The following C4orf51 variants were observed in gnomAD, a reference collection of about 807,000 sequenced individuals.
C4orf51 encodes uncharacterized protein C4orf51.
A neutral mutation model predicts 25.2 loss-of-function variants in C4orf51; 25 were observed. The ratio of observed to expected loss-of-function variants is 0.99; its 90% CI spans 0.72 to 1.39. C4orf51 has a LOEUF of 1.39. Among genes scored for constraint, C4orf51 ranks in the 40% most tolerant of loss-of-function variants. The probability of loss-of-function intolerance (pLI) is 0.00; values close to 1 mark genes in which losing one functional copy is unlikely to be tolerated. For synonymous variants in C4orf51, 100 were observed against 84.5 expected, an observed-to-expected ratio of 1.18 and a Z score of -1.01; for missense variants, 252 against 239.6, an observed-to-expected ratio of 1.05 and a Z score of -0.34.
chr4:145,743,169 T>C (rs1480871250), intron 1 of C4orf51, among the ~76,000 whole-genome samples: 2 of 152,200 alleles, frequency 1.3e-5, no homozygotes, highest in Non-Finnish European at 2.9e-5. Flanking sequence ...ATTTGGAACA[T>C]ACCTCATCTC....
At chr4:145,784,658 A>C in the C4orf51 span, among the ~76,000 whole-genome samples, 2 of 152,258 alleles carry the variant, frequency 1.3e-5, no homozygotes, top group African/African-American at 2.4e-5. Context: ...AGAAAAGTGC[A>C]CATATCAATA....
Position 145,732,565 on chromosome 4 carries a change from G to T in C4orf51, c.*5G>T. The T allele has an allele frequency of 6.3e-7, 1 of 1,597,892 alleles. No individual in the cohort carries two copies. Among genetic ancestry groups the T allele is most frequent in the South Asian group, 1.1e-5 (1 of 89,004 alleles). On this transcript the variant is annotated 3_prime_UTR_variant, in exon 6 of 6. Coordinates refer to ENST00000438731, the MANE Select transcript of C4orf51 (RefSeq NM_001080531.3). ...CCCTCATCGCCATTTAACTGAGTTG[G>T]AAAATGAAGCCACAAGGCTGGAGGC...
At chr4:145,690,969 C>A (rs945730560) in intron 1 of C4orf51, among the ~76,000 whole-genome samples, 18 of 151,980 alleles carry the variant, frequency 1.2e-4, no homozygotes, top group African/African-American at 4.4e-4. Flanking sequence ...AAGAATTAGC[C>A]AGATGTGGGG....
chr4:145,738,535 T>G (rs980117860), intron 1 of C4orf51, among the ~76,000 whole-genome samples: 20 of 151,946 alleles, frequency 1.3e-4, no homozygotes, highest in Non-Finnish European at 1.9e-4. Context: ...CCTAAGTTGG[T>G]GTTAATTATA....
At chr4:145,730,585 C>A (rs1732403205) in intron 5 of C4orf51, among the ~76,000 whole-genome samples, 1 of 151,980 alleles carries the variant, frequency 6.6e-6, no homozygotes, top group Admixed American at 6.6e-5. Flanking sequence ...GAAGTTACAA[C>A]TATTTTTGCT....
At chr4:145,703,999 C>T (rs1339981213) in intron 2 of C4orf51, among the ~76,000 whole-genome samples, 2 of 152,122 alleles carry the variant, frequency 1.3e-5, no homozygotes, top group Admixed American at 1.3e-4. Context: ...CCCAACTTCC[C>T]AATGAGTTAC....
At chr4:145,723,101 A>ACCCCTG (rs1731833478) in intron 2 of C4orf51, among the ~76,000 whole-genome samples, 1 of 151,946 alleles carries the variant, frequency 6.6e-6, no homozygotes, top group South Asian at 2.1e-4. Flanking sequence ...TGAAACCATC[A>ACCCCTG]CCCCTGCCCC....
chr4:145,706,808 A>T (rs1578963043), intron 2 of C4orf51, among the ~76,000 whole-genome samples: 1 of 118,690 alleles, frequency 8.4e-6, no homozygotes. Flanking sequence ...TGCCCGGCTA[A>T]TTTTTTTTTT....
intron 2 of C4orf51, among the ~76,000 whole-genome samples, chr4:145,706,808 A>AT (rs34336553): frequency 0.55 from 65,267 of 118,516 alleles, 18,928 homozygotes; most frequent in African/African-American, 0.67. Flanking sequence ...TGCCCGGCTA[A>AT]TTTTTTTTTT....
At chr4:145,768,378 TG>T (rs1210008504) in intron 1 of C4orf51, among the ~76,000 whole-genome samples, 5 of 152,288 alleles carry the variant, frequency 3.3e-5, no homozygotes. Flanking sequence ...TTGGCCAGGC[TG>T]GTCTTGAACT....
chr4:145,693,172 C>T (rs2126677676), intron 1 of C4orf51, among the ~76,000 whole-genome samples: 1 of 148,598 alleles, frequency 6.7e-6, no homozygotes, highest in South Asian at 2.2e-4. Flanking sequence ...AGGCAGAGGA[C>T]CCTGCGGCCT....
chr4:145,775,001 G>C (rs530598909), downstream of C4orf51, among the ~76,000 whole-genome samples: 8 of 152,274 alleles, frequency 5.3e-5, no homozygotes, highest in African/African-American at 1.9e-4. Flanking sequence ...AAGAGATGTG[G>C]GGTAGCATTG....
chr4:145,774,647 C>T (rs1313066108), downstream of C4orf51: 9 of 1,613,668 alleles, frequency 5.6e-6, no homozygotes, highest in East Asian at 2.2e-5. Flanking sequence ...ACATTGAGCT[C>T]GGTCTCAAAT....
chr4:145,745,258 T>C (rs1210154095), intron 1 of C4orf51, among the ~76,000 whole-genome samples: 2 of 152,050 alleles, frequency 1.3e-5, no homozygotes, highest in Middle Eastern at 3.2e-3. Flanking sequence ...AAATGTACAA[T>C]TAGATTATCA....
At chr4:145,725,029 G>A (rs115895596) in intron 2 of C4orf51, among the ~76,000 whole-genome samples, 4 of 151,210 alleles carry the variant, frequency 2.6e-5, no homozygotes, top group African/African-American at 7.3e-5. Flanking sequence ...TTGTGGACTC[G>A]GGGGAAAGGG....
At chr4:145,702,973 T>A (rs1241047090) in intron 2 of C4orf51, among the ~76,000 whole-genome samples, 2 of 151,686 alleles carry the variant, frequency 1.3e-5, no homozygotes, top group African/African-American at 4.8e-5. Context: ...TCTCTCTCCA[T>A]ACCACCCCCC....
chr4:145,717,759 T>C (rs1369306020), intron 2 of C4orf51, among the ~76,000 whole-genome samples: 1 of 152,258 alleles, frequency 6.6e-6, no homozygotes, highest in African/African-American at 2.4e-5. Context: ...TACATTAAAG[T>C]GCTTTTCCTT....
At chr4:145,742,359 T>C (rs1475527917) in intron 1 of C4orf51, among the ~76,000 whole-genome samples, 2 of 152,164 alleles carry the variant, frequency 1.3e-5, no homozygotes, top group Non-Finnish European at 2.9e-5. Flanking sequence ...GGTTCTGTCA[T>C]TGGTGCCTTT....
At chr4:145,744,542 C>T (rs1213249412) in intron 1 of C4orf51, among the ~76,000 whole-genome samples, 1 of 152,130 alleles carries the variant, frequency 6.6e-6, no homozygotes, top group African/African-American at 2.4e-5. Context: ...GGGACCTTGG[C>T]TGGGCGCGGT....
Sources: gnomAD v4.1 joint callset for allele counts (sites outside exome capture counted in the v4.1 genomes callset) on GRCh38, gnomAD v4.1.1 for gene constraint, MANE v1.5 for transcripts, NCBI Gene and HGNC (gene_info 2026-07-23, HGNC 2026-07-21) for gene names.